SLC35D2: variants seen among roughly 807,000 people sequenced by gnomAD.
SLC35D2 encodes the protein solute carrier family 35 member D2, also known as nucleotide sugar transporter SLC35D2.
A neutral mutation model predicts 41.8 loss-of-function variants in SLC35D2; 43 were observed. That is an observed-to-expected ratio of 1.03 (90% CI 0.81 to 1.33). The LOEUF is 1.33. Ranked by LOEUF, SLC35D2 falls within the 40% of genes most tolerant of loss-of-function variation. The pLI, the probability that SLC35D2 is intolerant of heterozygous loss-of-function variation, is 0.00. For missense variants in SLC35D2, 380 were observed against 408.4 expected (o/e 0.93, Z 0.60); for synonymous variants, 150 against 163.9 (o/e 0.92, Z 0.65).
chr9:96,324,889 C>T (rs1423585447), intron 9 of SLC35D2, among the ~76,000 whole-genome samples: 1 of 152,114 alleles, frequency 6.6e-6, no homozygotes, highest in Admixed American at 6.6e-5. Flanking sequence ...ACGAACGATG[C>T]CTGGCAGAGG....
chr9:96,326,772 C>A (rs1288269422), intron 9 of SLC35D2, among the ~76,000 whole-genome samples: 3 of 143,234 alleles, frequency 2.1e-5, no homozygotes, highest in African/African-American at 7.8e-5. Flanking sequence ...CACCACTGCA[C>A]TTTAGCCTGG....
At chr9:96,315,842 G>A (rs554077649), downstream of SLC35D2, among the ~76,000 whole-genome samples, 75 of 152,040 alleles carry the variant, frequency 4.9e-4, no homozygotes, top group African/African-American at 1.4e-3. Context: ...GAATTATAAC[G>A]GAAACCAATT....
intron 3 of SLC35D2, among the ~76,000 whole-genome samples, chr9:96,362,211 A>C (rs1830305030): frequency 1.3e-5 from 2 of 152,236 alleles, no homozygotes; most frequent in Non-Finnish European, 2.9e-5. Context: ...ACGAGACTAC[A>C]GAATTTAGGG....
intron 1 of SLC35D2, among the ~76,000 whole-genome samples, chr9:96,371,757 C>T (rs1311849395): frequency 1.0e-4 from 11 of 109,364 alleles, no homozygotes; most frequent in Non-Finnish European, 1.4e-4. Flanking sequence ...GACGGAGTCT[C>T]GCTCTGTCGC....
Position 96,351,142 on chromosome 9 carries a change from C to A in SLC35D2, c.449G>T (p.Ser150Ile). The A allele has an allele frequency of 6.2e-7, 1 of 1,612,542 alleles. No individual in the cohort carries two copies. Among genetic ancestry groups the A allele is most frequent in the Non-Finnish European group, 8.5e-7 (1 of 1,178,660 alleles). ...GKQYSLNIIL[S>I]VFAIILGAFI... ...AGCCCCGAGAATAATGGCAAAGACACTGAGGATGATGTTGAGTGAATACTG... is the reference window on the plus strand; with the variant it reads ...AGCCCCGAGAATAATGGCAAAGACAATGAGGATGATGTTGAGTGAATACTG... The change falls in exon 6 of 12, where the codon AGT (serine) becomes ATT (isoleucine). Residue 150 changes from serine to isoleucine, a missense_variant. Transcript: ENST00000253270.
At chr9:96,375,835 C>A (rs954077383) in intron 1 of SLC35D2, among the ~76,000 whole-genome samples, 1 of 150,138 alleles carries the variant, frequency 6.7e-6, no homozygotes, top group Non-Finnish European at 1.5e-5. Flanking sequence ...CTGGCCAACA[C>A]GGCAAAACCC....
chr9:96,341,853 T>C (rs908209791), intron 8 of SLC35D2, among the ~76,000 whole-genome samples: 1 of 152,134 alleles, frequency 6.6e-6, no homozygotes, highest in Non-Finnish European at 1.5e-5. Context: ...ATGCCTTTCA[T>C]AGTGTTGTTG....
intron 9 of SLC35D2, among the ~76,000 whole-genome samples, chr9:96,330,260 C>T (rs776691904): frequency 2.0e-5 from 3 of 152,244 alleles, no homozygotes; most frequent in Non-Finnish European, 4.4e-5. Context: ...AAATCCTCCC[C>T]ACCTGGTCCA....
At chr9:96,345,964 C>G (rs987436850) in intron 6 of SLC35D2, among the ~76,000 whole-genome samples, 2 of 152,196 alleles carry the variant, frequency 1.3e-5, no homozygotes, top group African/African-American at 4.8e-5. Flanking sequence ...TCTTCCATTT[C>G]CATTATAAAT....
At chr9:96,351,261 C>T in intron 5 of SLC35D2, 90 bp from the exon 6 acceptor site, 1 of 934,940 alleles carries the variant, frequency 1.1e-6, no homozygotes. Context: ...TGAAAATAGA[C>T]ATCAGCATTT....
At chr9:96,318,207 C>G (rs1484056613), downstream of SLC35D2, among the ~76,000 whole-genome samples, 1 of 152,104 alleles carries the variant, frequency 6.6e-6, no homozygotes. Flanking sequence ...CACCTGTAAT[C>G]CCTACACTTT....
chr9:96,352,251 A>G (rs991568743), intron 4 of SLC35D2, 142 bp from the exon 5 acceptor site: 1 of 488,504 alleles, frequency 2.0e-6, no homozygotes, highest in Non-Finnish European at 3.7e-6. Flanking sequence ...ACATTAAATA[A>G]TAAAAATAAA....
intron 1 of SLC35D2, among the ~76,000 whole-genome samples, chr9:96,373,757 G>A (rs1186534679): frequency 1.3e-5 from 2 of 151,716 alleles, no homozygotes; most frequent in African/African-American, 4.8e-5. Context: ...ACCCAGAAGT[G>A]TTTCAAGTGT....
At chr9:96,320,479 G>A (rs1453492912), downstream of SLC35D2, among the ~76,000 whole-genome samples, 1 of 150,164 alleles carries the variant, frequency 6.7e-6, no homozygotes, top group Non-Finnish European at 1.5e-5. Context: ...TTGCACCACT[G>A]CACTCCAACA....
chr9:96,364,270 G>C (rs1830393805), intron 3 of SLC35D2, among the ~76,000 whole-genome samples, 194 bp downstream of exon 3: 1 of 152,182 alleles, frequency 6.6e-6, no homozygotes, highest in Non-Finnish European at 1.5e-5. Flanking sequence ...AGGAGGCGGA[G>C]ATTGCAGTGA....
chr9:96,313,465 A>AG (rs1168595052), exon 12 of SLC35D2, among the ~76,000 whole-genome samples: 1 of 152,220 alleles, frequency 6.6e-6, no homozygotes, highest in African/African-American at 2.4e-5. Flanking sequence ...AGTTTTTATT[A>AG]GGGCTTCATT....
At chr9:96,335,223 C>T (rs2130876154) in intron 9 of SLC35D2, among the ~76,000 whole-genome samples, 1 of 152,254 alleles carries the variant, frequency 6.6e-6, no homozygotes, top group South Asian at 2.1e-4. Context: ...GGAGAAGGTA[C>T]CAATGCCTGT....
intron 8 of SLC35D2, among the ~76,000 whole-genome samples, chr9:96,342,948 T>C (rs965492109): frequency 6.6e-6 from 1 of 152,206 alleles, no homozygotes; most frequent in Non-Finnish European, 1.5e-5. Context: ...GGTAAATGGG[T>C]GCTGCCCCAG....
At chr9:96,371,817 C>A (rs1412254471) in intron 1 of SLC35D2, among the ~76,000 whole-genome samples, 2 of 145,322 alleles carry the variant, frequency 1.4e-5, no homozygotes, top group African/African-American at 5.1e-5. Context: ...AGCTCCGCCT[C>A]CCGGGTTCAC....
Sources: allele counts gnomAD v4.1 joint callset (sites outside exome capture counted in the v4.1 genomes callset), GRCh38; gene constraint gnomAD v4.1.1; transcripts MANE v1.5; gene names NCBI Gene and HGNC (gene_info 2026-07-23, HGNC 2026-07-21).